Variants in RAD51B observed in about 807,000 individuals in gnomAD.
RAD51B encodes RAD51 paralog B.
Under a neutral mutation model 42.2 loss-of-function variants are expected in RAD51B, and 38 were observed. The observed-to-expected ratio is 0.90, with a 90% CI of 0.70 to 1.18. RAD51B has a LOEUF of 1.18. RAD51B is among the 50% of genes most tolerant of loss of function. RAD51B has a pLI of 0.00. For synonymous variants in RAD51B, 154 were observed against 145.2 expected (o/e 1.06, Z -0.43); for missense variants, 373 against 400.7 (o/e 0.93, Z 0.59).
chr14:67,940,542 A>G (rs2045163087), intron 7 of RAD51B, among the ~76,000 whole-genome samples: 1 of 152,040 alleles, frequency 6.6e-6, no homozygotes, highest in Non-Finnish European at 1.5e-5. Context: ...GTCTTTTCAC[A>G]TTGCCTGACT....
chr14:68,092,206 T>G (rs1465748052), intron 7 of RAD51B, among the ~76,000 whole-genome samples: 1 of 152,220 alleles, frequency 6.6e-6, no homozygotes, highest in Non-Finnish European at 1.5e-5. Flanking sequence ...CCACATGAAC[T>G]GTAAAGTAGT....
At chr14:68,166,737 T>C (rs1053990625) in intron 7 of RAD51B, among the ~76,000 whole-genome samples, 2 of 152,176 alleles carry the variant, frequency 1.3e-5, no homozygotes, top group Non-Finnish European at 2.9e-5. Flanking sequence ...CCCAGACTTA[T>C]TAATCCAGGA....
At chr14:68,343,191 T>C (rs1196670083) in intron 8 of RAD51B, among the ~76,000 whole-genome samples, 4 of 152,216 alleles carry the variant, frequency 2.6e-5, no homozygotes, top group Non-Finnish European at 5.9e-5. Context: ...GTACAGTACA[T>C]AATTATTCAC....
At chr14:67,922,160 C>T (rs559517503) in intron 7 of RAD51B, among the ~76,000 whole-genome samples, 1 of 152,298 alleles carries the variant, frequency 6.6e-6, no homozygotes, top group South Asian at 2.1e-4. Context: ...AATGACCCTT[C>T]GTGGTGCCAG....
At chr14:67,898,230 T>C (rs1292436572) in intron 7 of RAD51B, among the ~76,000 whole-genome samples, 1 of 152,204 alleles carries the variant, frequency 6.6e-6, no homozygotes, top group Non-Finnish European at 1.5e-5. Context: ...CACAATGATA[T>C]ATTATTTAGC....
intron 7 of RAD51B, among the ~76,000 whole-genome samples, chr14:67,995,763 G>T (rs1237429091): frequency 1.3e-5 from 2 of 151,676 alleles, no homozygotes; most frequent in Non-Finnish European, 2.9e-5. Context: ...GACTACAGGC[G>T]CCCGCCACCA....
chr14:67,855,631 T>C (rs531500958), intron 4 of RAD51B, among the ~76,000 whole-genome samples: 2 of 152,328 alleles, frequency 1.3e-5, no homozygotes, highest in African/African-American at 4.8e-5. Flanking sequence ...CAAATGCCTA[T>C]AAGCACGAGC....
chr14:67,909,103 A>T (rs901718779), intron 7 of RAD51B, among the ~76,000 whole-genome samples: 7 of 152,206 alleles, frequency 4.6e-5, no homozygotes, highest in Non-Finnish European at 8.8e-5. Flanking sequence ...GTAAATACTG[A>T]TAGACATAAC....
At chr14:67,902,326 T>G (rs536528486) in intron 7 of RAD51B, among the ~76,000 whole-genome samples, 1 of 152,308 alleles carries the variant, frequency 6.6e-6, no homozygotes, top group East Asian at 1.9e-4. Context: ...TTTATCTATA[T>G]TTCTGAAAGG....
intron 7 of RAD51B, among the ~76,000 whole-genome samples, chr14:67,988,369 G>T (rs746680646): frequency 2.0e-5 from 3 of 152,130 alleles, no homozygotes; most frequent in Non-Finnish European, 4.4e-5. Flanking sequence ...TGAGGCAGGA[G>T]AATTGCTTGA....
intron 7 of RAD51B, among the ~76,000 whole-genome samples, chr14:67,925,578 A>G (rs543258515): frequency 1.5e-4 from 23 of 152,122 alleles, no homozygotes; most frequent in Admixed American, 9.2e-4. Flanking sequence ...ACCTGGATCT[A>G]CCATTCTGGG....
rs146415367 is a variant in RAD51B, at chr14:68,080,262, C to T, written c.756+193058C>T. On this transcript the variant is annotated intron_variant, in intron 7 of 10. Transcript: ENST00000471583. ...GATGAATGGGCTAGTGTTTCCTTCC[C>T]CAGATGTATCAACTTAATCTTATTT... Among the ~76,000 whole-genome samples, 1,441 of 152,270 alleles carry T rather than the reference C, an allele frequency of 9.5e-3. 16 individuals are homozygous for T. Among genetic ancestry groups the T allele is most frequent in the Middle Eastern group, 0.051 (15 of 294 alleles).
chr14:68,605,657 C>T (rs139352627), intron 10 of RAD51B, among the ~76,000 whole-genome samples: 9 of 152,294 alleles, frequency 5.9e-5, no homozygotes, highest in East Asian at 5.8e-4. Context: ...TCAGATTGGA[C>T]GAAGGGCCTA....
intron 7 of RAD51B, among the ~76,000 whole-genome samples, chr14:68,144,176 C>T (rs929358743): frequency 6.6e-6 from 1 of 152,204 alleles, no homozygotes; most frequent in African/African-American, 2.4e-5. Context: ...AAACCATTGG[C>T]CTCCTAAGGC....
intron 10 of RAD51B, among the ~76,000 whole-genome samples, chr14:68,534,580 C>T (rs1887500234): frequency 6.6e-6 from 1 of 152,118 alleles, no homozygotes; most frequent in Non-Finnish European, 1.5e-5. Flanking sequence ...GGAAAAACCA[C>T]ATCCTCAGGG....
intron 10 of RAD51B, among the ~76,000 whole-genome samples, chr14:68,546,221 G>C (rs778068484): frequency 1.8e-4 from 27 of 152,202 alleles, no homozygotes; most frequent in Non-Finnish European, 3.2e-4. Context: ...AGGAAGGACT[G>C]GTAGCAGCAG....
intron 7 of RAD51B, among the ~76,000 whole-genome samples, chr14:68,173,169 C>G (rs935615179): frequency 2.0e-5 from 3 of 152,176 alleles, no homozygotes; most frequent in African/African-American, 7.2e-5. Flanking sequence ...AGTGTACACT[C>G]ATGTATACTT....
At chr14:68,124,883 A>T (rs566722453) in intron 7 of RAD51B, 1 of 151,494 alleles carries the variant, frequency 6.6e-6, no homozygotes, top group African/African-American at 2.4e-5. Flanking sequence ...CGGGAGGTGG[A>T]GGTTATAGTG....
intron 11 of RAD51B, among the ~76,000 whole-genome samples, chr14:68,667,062 A>G (rs965060400): frequency 5.9e-5 from 9 of 152,258 alleles, no homozygotes; most frequent in Admixed American, 5.9e-4. Flanking sequence ...CCACAGCAGC[A>G]TAACCTTTCA....
Sources: allele counts gnomAD v4.1 joint callset (sites outside exome capture counted in the v4.1 genomes callset), GRCh38; gene constraint gnomAD v4.1.1; transcripts MANE v1.5; gene names NCBI Gene and HGNC (gene_info 2026-07-23, HGNC 2026-07-21).